Variants in ZFPM2 observed in about 807,000 individuals in gnomAD.
ZFPM2 encodes the protein zinc finger protein ZFPM2.
Under a neutral mutation model 98.6 loss-of-function variants are expected in ZFPM2, and 20 were observed. That is an observed-to-expected ratio of 0.20 (90% CI 0.14 to 0.29). The LOEUF (loss-of-function observed/expected upper bound fraction) is 0.29. ZFPM2 is among the 10% of genes least tolerant of loss of function. The pLI is 1.00. For synonymous variants in ZFPM2, 518 were observed against 502.7 expected, an observed-to-expected ratio of 1.03 and a Z score of -0.41; for missense variants, 1,310 against 1,388.6, an observed-to-expected ratio of 0.94 and a Z score of 0.90.
intron 1 of ZFPM2, among the ~76,000 whole-genome samples, chr8:105,388,800 TTGCTGTCCTCTTCCA>T (rs1401529995): frequency 6.6e-6 from 1 of 152,166 alleles, no homozygotes; most frequent in Non-Finnish European, 1.5e-5. Context: ...CCGGGTTGCG[TTGCTGTCCTCTTCCA>T]ACCTGTGTGC....
chr8:105,479,952 T>C (rs1421983089), intron 3 of ZFPM2, among the ~76,000 whole-genome samples: 1 of 152,224 alleles, frequency 6.6e-6, no homozygotes, highest in Non-Finnish European at 1.5e-5. Flanking sequence ...ATGCTGTTTT[T>C]ATTACACTGC....
At chr8:105,369,935 G>A (rs955019536) in intron 1 of ZFPM2, among the ~76,000 whole-genome samples, 3 of 152,092 alleles carry the variant, frequency 2.0e-5, no homozygotes, top group Admixed American at 2.0e-4. Context: ...CTATGTGTTT[G>A]TGATTATAAC....
intron 1 of ZFPM2, among the ~76,000 whole-genome samples, chr8:105,325,869 A>G (rs1490666793): frequency 6.6e-6 from 1 of 151,838 alleles, no homozygotes; most frequent in Non-Finnish European, 1.5e-5. Flanking sequence ...TACTTTTAAA[A>G]TGAATATGTG....
chr8:105,765,588 G>A (rs1246164250), intron 5 of ZFPM2, among the ~76,000 whole-genome samples: 3 of 151,782 alleles, frequency 2.0e-5, no homozygotes, highest in Non-Finnish European at 4.4e-5. Context: ...GAAGAAATCC[G>A]AAGAGAAGCA....
At chr8:105,628,435 C>T (rs77149787) in intron 4 of ZFPM2, among the ~76,000 whole-genome samples, 62 of 152,250 alleles carry the variant, frequency 4.1e-4, no homozygotes, top group East Asian at 2.3e-3. Flanking sequence ...AAGGGTGGGT[C>T]GCTGGCAAAA....
At chr8:105,476,796 A>G (rs1813020875) in intron 3 of ZFPM2, among the ~76,000 whole-genome samples, 2 of 148,198 alleles carry the variant, frequency 1.3e-5, no homozygotes, top group Admixed American at 6.7e-5. Context: ...TCAAATAGCA[A>G]TTTGGATGGA....
At chr8:105,448,262 C>A (rs1335603168) in intron 3 of ZFPM2, among the ~76,000 whole-genome samples, 1 of 151,900 alleles carries the variant, frequency 6.6e-6, no homozygotes, top group Non-Finnish European at 1.5e-5. Context: ...AGAACATTTG[C>A]TCTTCACTAT....
chr8:105,741,112 A>G (rs1223155438), intron 5 of ZFPM2, among the ~76,000 whole-genome samples: 2 of 152,062 alleles, frequency 1.3e-5, no homozygotes, highest in Admixed American at 1.3e-4. Context: ...AAAATTGAAG[A>G]GCAGTCAGTG....
intron 5 of ZFPM2, among the ~76,000 whole-genome samples, chr8:105,650,967 G>T (rs1817158716): frequency 6.6e-6 from 1 of 152,016 alleles, no homozygotes; most frequent in African/African-American, 2.4e-5. Flanking sequence ...TCATTCCTTG[G>T]ACTTCTTCAA....
rs1262258612 is a variant in ZFPM2, at chr8:105,407,221, A to AT, written c.41-11917dup. Among the ~76,000 whole-genome samples, 12 of 151,440 alleles carry AT rather than the reference A, an allele frequency of 7.9e-5. 1 individual carries two copies. Among genetic ancestry groups the AT allele is most frequent in the African/African-American group, 2.9e-4 (12 of 41,308 alleles). On this transcript the variant is annotated intron_variant, in intron 1 of 7. Transcript: ENST00000407775. ...ACAGGGGATGGGTGGTGAAAGAATG[A>AT]TTTTTTAAACAGTGGCAGGGAAATA... is the stretch of plus-strand genomic sequence containing the variant.
intron 3 of ZFPM2, among the ~76,000 whole-genome samples, chr8:105,556,579 G>A (rs1445865304): frequency 6.6e-6 from 1 of 151,992 alleles, no homozygotes; most frequent in Non-Finnish European, 1.5e-5. Flanking sequence ...ACCCATTCCA[G>A]CGTGTATCCC....
chr8:105,443,093 G>A (rs1812288252), intron 2 of ZFPM2, among the ~76,000 whole-genome samples: 1 of 151,930 alleles, frequency 6.6e-6, no homozygotes, highest in African/African-American at 2.4e-5. Flanking sequence ...TGGATCACTC[G>A]AGGTCAAGAG....
rs558288916 is a variant in ZFPM2, at chr8:105,381,074, C to G, written c.41-38070C>G. Among the ~76,000 whole-genome samples the G allele has an allele frequency of 5.5e-4, 81 of 146,082 alleles. 2 individuals carry two copies. Among genetic ancestry groups the G allele is most frequent in the Middle Eastern group, 6.8e-3 (2 of 292 alleles). On this transcript the variant is annotated intron_variant, in intron 1 of 7. Transcript: ENST00000407775. ...TATTTCTCTTAATGCTATCCCTCCC[C>G]TTGCCCCCCACCCCTCAACAGGCCC...
At chr8:105,365,147 G>A (rs1031494065) in intron 1 of ZFPM2, among the ~76,000 whole-genome samples, 2 of 152,120 alleles carry the variant, frequency 1.3e-5, no homozygotes, top group African/African-American at 4.8e-5. Flanking sequence ...CATGCTTTCA[G>A]TGTGTTTTTG....
In ZFPM2 at chr8:105,393,040, G is replaced by A. The variant is rs60418556; in HGVS notation, c.41-26104G>A. ...CTAGTTCTTGTTCTATGAAAAAAAC[G>A]TCAGAATCCCTCAATGTTCTCATCT... On this transcript the variant is annotated intron_variant, in intron 1 of 7. Coordinates refer to ENST00000407775, the MANE Select transcript of ZFPM2 (RefSeq NM_012082.4). 5.8e-3 allele frequency among the ~76,000 whole-genome samples: 883 copies of A among 152,184 alleles called. 8 individuals are homozygous for A. Among genetic ancestry groups the A allele is most frequent in the African/African-American group, 0.02 (815 of 41,538 alleles).
chr8:105,657,339 A>G (rs750773496), intron 5 of ZFPM2, among the ~76,000 whole-genome samples: 4 of 152,108 alleles, frequency 2.6e-5, no homozygotes, highest in Admixed American at 1.3e-4. Context: ...GGGTTTCACC[A>G]TATTGATCAG....
rs113424304 is a variant in ZFPM2 at position 105,626,695 on chromosome 8, A to G, written c.421-7551A>G. Among the ~76,000 whole-genome samples, 343 of 152,238 alleles carry G rather than the reference A, an allele frequency of 2.3e-3. 1 individual carries two copies. The highest frequency in any genetic ancestry group is 7.7e-3 in the African/African-American group (321 of 41,534). On this transcript the variant is annotated intron_variant, in intron 4 of 7. Transcript: ENST00000407775. Reference sequence around the variant, plus strand: ...TTAAAAATCCTCTAGGCCTGTTGTCAAATATGCTTTATAGCTGAGAGAATA... The same window carrying G: ...TTAAAAATCCTCTAGGCCTGTTGTCGAATATGCTTTATAGCTGAGAGAATA...
intron 5 of ZFPM2, among the ~76,000 whole-genome samples, chr8:105,749,009 A>G (rs1172309696): frequency 6.6e-6 from 1 of 152,082 alleles, no homozygotes; most frequent in Non-Finnish European, 1.5e-5. Context: ...GGCTCTATCC[A>G]TACTGTTGGA....
intron 5 of ZFPM2, among the ~76,000 whole-genome samples, chr8:105,784,390 T>C (rs16873680): frequency 7.6e-6 from 1 of 130,966 alleles, no homozygotes; most frequent in African/African-American, 4.5e-5. Flanking sequence ...AAATGAGTTA[T>C]CTGCCTCCAG....
Sources: gnomAD v4.1 joint callset for allele counts (sites outside exome capture counted in the v4.1 genomes callset) on GRCh38, gnomAD v4.1.1 for gene constraint, MANE v1.5 for transcripts, NCBI Gene and HGNC (gene_info 2026-07-23, HGNC 2026-07-21) for gene names.